Variants in GPC3 observed in about 807,000 individuals in gnomAD.
The protein encoded by GPC3 is glypican 3, also known as glypican-3.
GPC3 carries 3 observed loss-of-function variants against 34.4 expected under a neutral mutation model. The observed-to-expected ratio is 0.09, with a 90% confidence interval of 0.04 to 0.23. The LOEUF is 0.23. Ranked by LOEUF, GPC3 falls within the 10% of genes least tolerant of loss-of-function variation. The pLI is 1.00. For synonymous variants in GPC3, 177 were observed against 174.0 expected, an observed-to-expected ratio of 1.02 and a Z score of -0.13; for missense variants, 351 against 445.6, an observed-to-expected ratio of 0.79 and a Z score of 1.91.
Position 133,596,433 on chromosome X carries a change from C to CAT in GPC3, c.1573+6_1573+7insAT. The CAT allele has an allele frequency of 5.0e-6, 6 of 1,204,194 alleles. No individual in the cohort carries two copies. The highest frequency in any genetic ancestry group is 6.8e-6 in the Non-Finnish European group (6 of 888,663). On this transcript the variant is annotated splice_region_variant and intron_variant, in intron 7 of 7. Coordinates refer to ENST00000370818, the MANE Select transcript of GPC3 (RefSeq NM_004484.4). ...AGATTACATTTGGGTCAGCACTAAT[C>CAT]AGTTACCTGCAAGGAAGCGGAGCTG...
At chrX:133,924,205 C>T (rs186809454) in intron 2 of GPC3, among the ~76,000 whole-genome samples, 3 of 111,626 alleles carry the variant, frequency 2.7e-5, no homozygotes. Flanking sequence ...AGAAAATGCT[C>T]AACACTTTTG....
At chrX:133,910,810 G>C (rs911604205) in intron 2 of GPC3, among the ~76,000 whole-genome samples, 1 of 111,881 alleles carries the variant, frequency 8.9e-6, no homozygotes, top group African/African-American at 3.3e-5. Context: ...TGTAACCCTA[G>C]TTGCTGATCA....
At position 133,667,156 on chromosome X, in the gene GPC3, TA is replaced by T. The variant is rs1241897815; in HGVS notation, c.1293-5307del. ...TGTTAAACGATTATGCCAAACCAGC[TA>T]ATTAACCTATTCATCACCTCACATA... is the stretch of plus-strand genomic sequence containing the variant. On this transcript the variant is annotated intron_variant, in intron 5 of 7. Coordinates refer to ENST00000370818, the MANE Select transcript of GPC3 (RefSeq NM_004484.4). Among the ~76,000 whole-genome samples, 5 of 112,349 alleles carry T rather than the reference TA, an allele frequency of 4.5e-5. No individual in the cohort carries two copies. In the Admixed American group the frequency reaches 4.7e-4, roughly 11 times the overall value.
intron 2 of GPC3, among the ~76,000 whole-genome samples, chrX:133,924,219 C>A (rs1603273565): frequency 8.9e-6 from 1 of 111,744 alleles, no homozygotes; most frequent in East Asian, 2.8e-4. Flanking sequence ...ACTTTTGAAG[C>A]TATTTCCTAC....
chrX:133,960,716 A>G (rs2124639405), intron 1 of GPC3, among the ~76,000 whole-genome samples: 1 of 110,955 alleles, frequency 9.0e-6, no homozygotes, highest in African/African-American at 3.3e-5. Flanking sequence ...TTTGCTAACA[A>G]AAGTACTTTG....
chrX:133,979,126 C>T (rs1016996080), intron 1 of GPC3, among the ~76,000 whole-genome samples: 1 of 112,118 alleles, frequency 8.9e-6, no homozygotes, highest in Non-Finnish European at 1.9e-5. Context: ...TTTGACTTCC[C>T]TTCTTATTGC....
At chrX:133,913,053 CAA>C (rs1288887225) in intron 2 of GPC3, among the ~76,000 whole-genome samples, 4 of 34,206 alleles carry the variant, frequency 1.2e-4, no homozygotes, top group Middle Eastern at 0.014. Flanking sequence ...GACTCCGTCT[CAA>C]AAAAAAAAAA....
At chrX:133,894,537 A>G (rs1403908645) in intron 2 of GPC3, among the ~76,000 whole-genome samples, 1 of 112,078 alleles carries the variant, frequency 8.9e-6, no homozygotes, top group Admixed American at 9.5e-5. Flanking sequence ...GTGACTGAAA[A>G]TGCACAGAAA....
chrX:133,795,533 A>G (rs2075574031), intron 2 of GPC3, among the ~76,000 whole-genome samples: 1 of 111,692 alleles, frequency 9.0e-6, no homozygotes, highest in African/African-American at 3.3e-5. Flanking sequence ...GATAAGATAG[A>G]TTGTCATGAA....
intron 2 of GPC3, among the ~76,000 whole-genome samples, chrX:133,762,005 A>G (rs898303453): frequency 3.0e-4 from 34 of 112,049 alleles, no homozygotes; most frequent in Non-Finnish European, 6.0e-4. Context: ...TTTCAGTTGC[A>G]TTGCATCTTA....
intron 7 of GPC3, among the ~76,000 whole-genome samples, chrX:133,543,929 T>C (rs2069361868): frequency 9.0e-6 from 1 of 111,572 alleles, no homozygotes; most frequent in South Asian, 3.8e-4. Context: ...GGTAGAAAAA[T>C]CTTAAAAACA....
intron 2 of GPC3, chrX:133,762,792 C>A: frequency 2.1e-6 from 1 of 470,351 alleles, no homozygotes; most frequent in South Asian, 2.6e-5. Flanking sequence ...GGAAAACTTT[C>A]ACAACGTCCG....
rs963861529 is a variant in GPC3, at chrX:133,858,292, C to T, written c.337+94758G>A. On this transcript the variant is annotated intron_variant, in intron 2 of 7. Coordinates refer to ENST00000370818, the MANE Select transcript of GPC3 (RefSeq NM_004484.4). ...TGTGCAAATTAGGAAAAGGCGTCCC[C>T]GCTGGTGCTAAAAGGTCCCCACTCT... is the stretch of plus-strand genomic sequence containing the variant. 5.4e-5 allele frequency among the ~76,000 whole-genome samples: 6 copies of T among 112,066 alleles called. No individual in the cohort carries two copies. In the East Asian group the frequency reaches 1.1e-3, roughly 21 times the overall value.
intron 1 of GPC3, among the ~76,000 whole-genome samples, chrX:133,960,911 G>T (rs1295007843): frequency 1.8e-5 from 2 of 111,282 alleles, no homozygotes; most frequent in East Asian, 5.6e-4. Context: ...TTTTTAAAAG[G>T]TATCTTTTTA....
intron 2 of GPC3, among the ~76,000 whole-genome samples, chrX:133,915,947 C>A (rs1372493848): frequency 9.1e-6 from 1 of 110,198 alleles, no homozygotes; most frequent in Non-Finnish European, 1.9e-5. Flanking sequence ...GAGTTCAAGA[C>A]CAGCCTAGCC....
intron 1 of GPC3, among the ~76,000 whole-genome samples, chrX:133,976,712 G>A (rs779991533): frequency 1.8e-5 from 2 of 110,272 alleles, no homozygotes; most frequent in South Asian, 7.7e-4. Flanking sequence ...GAGGTCAGGA[G>A]TTCGAGACCA....
At chrX:133,785,216 G>A (rs754104520) in intron 2 of GPC3, among the ~76,000 whole-genome samples, 1 of 111,199 alleles carries the variant, frequency 9.0e-6, no homozygotes, top group South Asian at 3.9e-4. Context: ...GAAGTGGGGG[G>A]TCTTCTTTGC....
chrX:133,740,923 T>C (rs2071558884), intron 3 of GPC3, among the ~76,000 whole-genome samples: 1 of 111,191 alleles, frequency 9.0e-6, no homozygotes, highest in Admixed American at 9.6e-5. Context: ...GCCCTGATTC[T>C]GGGGGAGGCC....
intron 6 of GPC3, among the ~76,000 whole-genome samples, chrX:133,647,411 G>A (rs774765319): frequency 8.9e-6 from 1 of 112,240 alleles, no homozygotes; most frequent in Non-Finnish European, 1.9e-5. Flanking sequence ...AGGCACTGTC[G>A]AGTACAAGGC....
Sources: allele counts gnomAD v4.1 joint callset (sites outside exome capture counted in the v4.1 genomes callset), GRCh38; gene constraint gnomAD v4.1.1; transcripts MANE v1.5; gene names NCBI Gene and HGNC (gene_info 2026-07-23, HGNC 2026-07-21).